SKAP1: variants seen among roughly 807,000 people sequenced by gnomAD.
SKAP1 encodes the protein src kinase associated phosphoprotein 1.
A neutral mutation model predicts 58.5 loss-of-function variants in SKAP1; 44 were observed. That is an observed-to-expected ratio of 0.75 (90% confidence interval 0.59 to 0.97). SKAP1 has a LOEUF of 0.97. Among genes scored for constraint, SKAP1 ranks in the 50% least tolerant of loss-of-function variants. The probability of loss-of-function intolerance (pLI) is 0.00; values close to 1 mark genes in which losing one functional copy is unlikely to be tolerated. For missense variants in SKAP1, 390 were observed against 435.2 expected, an observed-to-expected ratio of 0.90 and a Z score of 0.92; for synonymous variants, 127 against 149.7, an observed-to-expected ratio of 0.85 and a Z score of 1.11.
At chr17:48,177,239 A>G (rs1226790593) in intron 9 of SKAP1, among the ~76,000 whole-genome samples, 1 of 152,184 alleles carries the variant, frequency 6.6e-6, no homozygotes, top group Non-Finnish European at 1.5e-5. Context: ...GTCTGGTTCG[A>G]GAGGGCAGGG....
chr17:48,266,993 A>C (rs185185044), intron 4 of SKAP1, among the ~76,000 whole-genome samples: 4 of 152,320 alleles, frequency 2.6e-5, no homozygotes, highest in African/African-American at 7.2e-5. Context: ...GCTTGAAGGA[A>C]AGCCCTCATA....
intron 4 of SKAP1, among the ~76,000 whole-genome samples, chr17:48,261,331 G>A (rs372767467): frequency 8.5e-5 from 13 of 152,222 alleles, no homozygotes; most frequent in Non-Finnish European, 1.3e-4. Context: ...TCTGAATAGA[G>A]CCTTATAAAG....
intron 1 of SKAP1, among the ~76,000 whole-genome samples, chr17:48,429,374 CGG>C (rs2067888320): frequency 6.6e-6 from 1 of 152,160 alleles, no homozygotes; most frequent in Admixed American, 6.5e-5. Flanking sequence ...CGGGGATGGC[CGG>C]AACTCTTTAA....
At chr17:48,266,745 C>T (rs1334173513) in intron 4 of SKAP1, among the ~76,000 whole-genome samples, 2 of 152,010 alleles carry the variant, frequency 1.3e-5, no homozygotes, top group Non-Finnish European at 2.9e-5. Flanking sequence ...CTCTTGACCT[C>T]GTGATCCACC....
chr17:48,412,484 A>C (rs2067676924), intron 1 of SKAP1, among the ~76,000 whole-genome samples: 1 of 152,180 alleles, frequency 6.6e-6, no homozygotes, highest in Admixed American at 6.5e-5. Context: ...TCTTCATTTC[A>C]CTCAGTAGTA....
chr17:48,381,701 G>T (rs1311115032), intron 2 of SKAP1, among the ~76,000 whole-genome samples: 1 of 152,038 alleles, frequency 6.6e-6, no homozygotes, highest in African/African-American at 2.4e-5. Context: ...AATATTTGTT[G>T]GCTATCCACT....
intron 10 of SKAP1, among the ~76,000 whole-genome samples, chr17:48,166,255 T>G (rs745704501): frequency 6.6e-6 from 1 of 152,196 alleles, no homozygotes. Context: ...GCAACCAAAA[T>G]GTCATAAGAA....
intron 4 of SKAP1, among the ~76,000 whole-genome samples, chr17:48,283,602 T>C (rs1457723081): frequency 6.6e-6 from 1 of 152,214 alleles, no homozygotes; most frequent in Non-Finnish European, 1.5e-5. Context: ...ACTCTAACTA[T>C]AATCTAGCAG....
intron 2 of SKAP1, among the ~76,000 whole-genome samples, chr17:48,392,365 A>C (rs1454823156): frequency 1.3e-5 from 2 of 152,012 alleles, no homozygotes; most frequent in African/African-American, 4.8e-5. Context: ...GTATTTCTTT[A>C]TTTCTTTCCA....
At chr17:48,361,075 T>TATACA (rs2066929715) in intron 3 of SKAP1, among the ~76,000 whole-genome samples, 1 of 45,738 alleles carries the variant, frequency 2.2e-5, no homozygotes, top group Admixed American at 2.0e-4. Context: ...TGTACTGTAC[T>TATACA]ATACTATACT....
chr17:48,384,697 A>G (rs2067255189), intron 2 of SKAP1, among the ~76,000 whole-genome samples: 1 of 152,258 alleles, frequency 6.6e-6, no homozygotes, highest in Non-Finnish European at 1.5e-5. Flanking sequence ...CTGGCAAAGC[A>G]GAATGGCTTA....
At chr17:48,426,547 T>C (rs2067855360) in intron 1 of SKAP1, among the ~76,000 whole-genome samples, 2 of 152,240 alleles carry the variant, frequency 1.3e-5, no homozygotes, top group African/African-American at 4.8e-5. Context: ...GCAAAGATTA[T>C]GCAAACTGCC....
chr17:48,145,179 A>T (rs1219340343), intron 11 of SKAP1, among the ~76,000 whole-genome samples: 7 of 152,216 alleles, frequency 4.6e-5, no homozygotes, highest in African/African-American at 1.7e-4. Flanking sequence ...TTGACTAAAC[A>T]TCTGCTTCTC....
intron 4 of SKAP1, among the ~76,000 whole-genome samples, chr17:48,262,878 A>G (rs2065499561): frequency 6.6e-6 from 1 of 152,240 alleles, no homozygotes; most frequent in Admixed American, 6.5e-5. Context: ...GATGAAACTC[A>G]GACTTGAAGG....
chr17:48,312,143 C>T (rs989718972), intron 4 of SKAP1, among the ~76,000 whole-genome samples: 1 of 152,192 alleles, frequency 6.6e-6, no homozygotes, highest in Non-Finnish European at 1.5e-5. Flanking sequence ...GGCTCCAGTG[C>T]ATGTGTGGTT....
the SKAP1 span, among the ~76,000 whole-genome samples, chr17:48,438,326 T>A: frequency 6.6e-6 from 1 of 152,248 alleles, no homozygotes; most frequent in Non-Finnish European, 1.5e-5. Context: ...TAGTGATTAC[T>A]GTCCCTGCAT....
intron 4 of SKAP1, among the ~76,000 whole-genome samples, chr17:48,302,994 T>C (rs1195611714): frequency 6.6e-6 from 1 of 152,228 alleles, no homozygotes; most frequent in South Asian, 2.1e-4. Context: ...TCTTAAAATA[T>C]AGAATTGCTC....
At chr17:48,138,227 C>T (rs1457694486) in intron 11 of SKAP1, among the ~76,000 whole-genome samples, 2 of 150,678 alleles carry the variant, frequency 1.3e-5, no homozygotes, top group South Asian at 2.1e-4. Flanking sequence ...TTTTTTGAGA[C>T]GGAGTCTCGC....
At position 48,137,351 on chromosome 17, in the gene SKAP1, A is replaced by AGAG. The variant is rs770754098; in HGVS notation, c.979-17_979-15dup. On this transcript the variant is annotated splice_polypyrimidine_tract_variant and intron_variant, in intron 11 of 12. Transcript: ENST00000336915. ...CATGTTATACTCCTGAAAAGTGAAA[A>AGAG]GAGGATAGCGTCAGTTAGAATTTGT... The AGAG allele has an allele frequency of 6.4e-7, 1 of 1,561,366 alleles. No individual in the cohort carries two copies. Among genetic ancestry groups the AGAG allele is most frequent in the African/African-American group, 1.4e-5 (1 of 73,978 alleles).
Sources: gnomAD v4.1 joint callset for allele counts (sites outside exome capture counted in the v4.1 genomes callset) on GRCh38, gnomAD v4.1.1 for gene constraint, MANE v1.5 for transcripts, NCBI Gene and HGNC (gene_info 2026-07-23, HGNC 2026-07-21) for gene names.